Variants in EPG5 observed in about 807,000 individuals in gnomAD.
The protein encoded by EPG5 is ectopic P-granules 5 autophagy tethering factor.
Under a neutral mutation model 302.7 loss-of-function variants are expected in EPG5, and 159 were observed. That is an observed-to-expected ratio of 0.53 (90% CI 0.46 to 0.60). EPG5 has a LOEUF of 0.60. EPG5 is among the 20% of genes least tolerant of loss of function. EPG5 has a pLI of 0.00. For missense variants in EPG5, 2,896 were observed against 3,092.4 expected, an observed-to-expected ratio of 0.94 and a Z score of 1.51; for synonymous variants, 1,158 against 1,136.8, an observed-to-expected ratio of 1.02 and a Z score of -0.37.
chr18:45,876,295 GCCA>G lies in EPG5; in HGVS notation c.5987_5989del (p.Val1996del). On this transcript the variant is annotated inframe_deletion, in exon 35 of 44. Coordinates refer to ENST00000282041, the MANE Select transcript of EPG5 (RefSeq NM_020964.3). ...AGTGAACAGCTGCACAATGCTTGAG[GCCA>G]CCACAGTATCACTCTCTAGCCAGGG... 6.2e-7 allele frequency: 1 copy of G among 1,614,062 alleles called. No individual in the cohort carries two copies. The highest frequency in any genetic ancestry group is 8.5e-7 in the Non-Finnish European group (1 of 1,180,010).
the EPG5 span, among the ~76,000 whole-genome samples, chr18:45,812,670 A>C: frequency 6.6e-6 from 1 of 152,258 alleles, no homozygotes; most frequent in African/African-American, 2.4e-5. Context: ...CAATGGGGAA[A>C]GGATTCCCTA....
intron 5 of EPG5, 132 bp downstream of exon 5, chr18:45,949,352 A>G: frequency 1.8e-6 from 1 of 569,290 alleles, no homozygotes; most frequent in Non-Finnish European, 3.1e-6. Context: ...TATACTGGAT[A>G]TATTTTAAGA....
At chr18:45,892,727 T>C (rs1304567331) in intron 27 of EPG5, among the ~76,000 whole-genome samples, 7 of 152,202 alleles carry the variant, frequency 4.6e-5, no homozygotes. Flanking sequence ...TATATTTGCC[T>C]TTGTATACCC....
At chr18:45,866,358 T>C (rs1017881270) in intron 38 of EPG5, among the ~76,000 whole-genome samples, 2 of 152,146 alleles carry the variant, frequency 1.3e-5, no homozygotes, top group African/African-American at 4.8e-5. Context: ...TGACCTCAGG[T>C]GATCCGCCCA....
In EPG5 at chr18:45,959,772, G is replaced by A. The variant is rs185462859; in HGVS notation, c.64-4434C>T. Among the ~76,000 whole-genome samples the A allele has an allele frequency of 1.2e-3, 184 of 152,240 alleles. 1 individual carries two copies. The highest frequency in any genetic ancestry group is 3.4e-3 in the Middle Eastern group (1 of 294). ...AGGTGGGTGGATCACCTGAGGTGAG[G>A]AGTTCAAGACCAGCCTGACCAACAT... On this transcript the variant is annotated intron_variant, in intron 1 of 43. Transcript: ENST00000282041.
rs1599579416 is a variant in EPG5, at chr18:45,922,721, G to A, written c.2839-121C>T. ...AACGCAGAGGAATATTCTACTTGCT[G>A]GTCTCCAATTAATGTTCACTGCACT... On this transcript the variant is annotated intron_variant, in intron 15 of 43. Coordinates refer to ENST00000282041, the MANE Select transcript of EPG5 (RefSeq NM_020964.3). 3.3e-6 allele frequency: 4 copies of A among 1,213,422 alleles called. No individual in the cohort carries two copies. In the East Asian group the frequency reaches 9.5e-5, roughly 29 times the overall value. 75.2% of individuals were successfully genotyped at this position (1,213,422 alleles called of 1,614,324 possible). A position where few individuals can be genotyped will look rare whatever the true frequency, so the allele number is the denominator to read the frequency against.
intron 25 of EPG5, among the ~76,000 whole-genome samples, chr18:45,901,585 C>A (rs750571123): frequency 5.9e-5 from 9 of 151,966 alleles, no homozygotes; most frequent in Non-Finnish European, 1.3e-4. Flanking sequence ...ATAGCCGAGT[C>A]AAAAATCTGA....
chr18:45,967,111 C>T, intron 1 of EPG5, 66 bp downstream of exon 1: 4 of 1,488,002 alleles, frequency 2.7e-6, no homozygotes, highest in Non-Finnish European at 3.6e-6. Context: ...GCTGGGGAGG[C>T]CGAAGAGAGG....
rs528944700 is a variant in EPG5 at position 45,899,320 on chromosome 18, T to C, written c.4809+84A>G. 13 of 1,496,740 alleles carry C rather than the reference T, an allele frequency of 8.7e-6. No homozygotes were observed. The South Asian group carries it at 1.3e-4, about 15-fold the overall frequency. 92.7% of individuals were successfully genotyped at this position (1,496,740 alleles called of 1,614,324 possible). A position where few individuals can be genotyped will look rare whatever the true frequency, so the allele number is the denominator to read the frequency against. On this transcript the variant is annotated intron_variant, in intron 27 of 43. Coordinates refer to ENST00000282041, the MANE Select transcript of EPG5 (RefSeq NM_020964.3). Reference sequence around the variant, plus strand: ...TGGGACACAGACAGTGTGCTATATATGTCTTTCAATCTTTCTCATTGATAA... The same window carrying C: ...TGGGACACAGACAGTGTGCTATATACGTCTTTCAATCTTTCTCATTGATAA...
At chr18:45,803,891 A>C in the EPG5 span, among the ~76,000 whole-genome samples, 946 of 152,342 alleles carry the variant, frequency 6.2e-3, 7 homozygotes, top group Admixed American at 9.9e-3. Flanking sequence ...TCCAGAGTAC[A>C]ATCCAAAATT....
In EPG5 at chr18:45,899,466, G is replaced by A. The variant is rs535029628; in HGVS notation, c.4747C>T (p.His1583Tyr). 1.3e-5 allele frequency: 21 copies of A among 1,614,178 alleles called. No individual in the cohort carries two copies. In the African/African-American group the frequency reaches 2.5e-4, roughly 19 times the overall value. ...YVNREEQTTLHLECRGSSGKK... is the reference protein window; with the variant it reads ...YVNREEQTTLYLECRGSSGKK... Reference sequence around the variant, plus strand: ...CCGCTGCTGCCTCTGCACTCCAAATGTAGTGTGGTCTGTTCTTCACGATTC... The same window carrying A: ...CCGCTGCTGCCTCTGCACTCCAAATATAGTGTGGTCTGTTCTTCACGATTC... Residue 1583 changes from histidine (H) to tyrosine (Y), a missense_variant, in exon 27 of 44, where the codon CAT (histidine) becomes TAT (tyrosine). By Grantham distance (83) the His-to-Tyr change is moderately conservative. This residue lies in a region of EPG5 where 790 missense variants were observed against 798.0 expected (regional missense o/e 0.99). Coordinates refer to ENST00000282041, the MANE Select transcript of EPG5 (RefSeq NM_020964.3).
chr18:45,838,009 C>A, the EPG5 span: 3 of 1,294,630 alleles, frequency 2.3e-6, no homozygotes, highest in Non-Finnish European at 3.0e-6. Context: ...GGCAACGAGA[C>A]CCAGCCCTCT....
At chr18:45,854,942 G>A (rs968357698) in intron 43 of EPG5, among the ~76,000 whole-genome samples, 3 of 152,192 alleles carry the variant, frequency 2.0e-5, no homozygotes, top group Non-Finnish European at 4.4e-5. Flanking sequence ...TATTGGTCGA[G>A]TTAAAACTTA....
chr18:45,937,413 T>C (rs553119988), intron 10 of EPG5, among the ~76,000 whole-genome samples: 1 of 151,672 alleles, frequency 6.6e-6, no homozygotes, highest in South Asian at 2.1e-4. Flanking sequence ...CACACACATA[T>C]ATATATATTT....
chr18:45,943,371 T>C (rs2050713605), intron 8 of EPG5, 60 bp from the exon 9 acceptor site: 1 of 1,420,158 alleles, frequency 7.0e-7, no homozygotes, highest in Non-Finnish European at 9.9e-7. Flanking sequence ...CATGAACGGA[T>C]ACATCTGTAT....
chr18:45,949,610 A>G lies in EPG5; in HGVS notation c.1390-19T>C. 1 of 1,483,400 alleles carries G rather than the reference A, an allele frequency of 6.7e-7. No homozygotes were observed. The highest frequency in any genetic ancestry group is 1.2e-5 in the South Asian group (1 of 86,668). 91.9% of individuals were successfully genotyped at this position (1,483,400 alleles called of 1,614,324 possible). Reference sequence around the variant, plus strand: ...CGGATACCTGAACAATAAAGGTCATATGATCTCACTATTTTTAATAAAAGA... The same window carrying G: ...CGGATACCTGAACAATAAAGGTCATGTGATCTCACTATTTTTAATAAAAGA... On this transcript the variant is annotated intron_variant, in intron 4 of 43. Transcript: ENST00000282041.
chr18:45,906,799 C>T (rs901764168), intron 24 of EPG5, among the ~76,000 whole-genome samples: 4 of 152,084 alleles, frequency 2.6e-5, no homozygotes, highest in African/African-American at 9.7e-5. Context: ...GGATTACAGG[C>T]GCCCACCACC....
intron 27 of EPG5, among the ~76,000 whole-genome samples, chr18:45,896,995 G>A (rs1300471501): frequency 2.0e-5 from 3 of 152,228 alleles, no homozygotes; most frequent in Non-Finnish European, 4.4e-5. Context: ...TAGAAAAGGT[G>A]TTTCTTTTTA....
At position 45,849,218 on chromosome 18, in the gene EPG5, T is replaced by G. The variant is rs1788079; in HGVS notation, c.*3249A>C. On this transcript the variant is annotated 3_prime_UTR_variant, in exon 44 of 44. Transcript: ENST00000282041. ...AAGGTCTGCCTCAAGGAGGGGCAAG[T>G]GAACAGCCCCAGCCTGAACTGCTCT... 2 of 152,126 alleles carry G rather than the reference T, an allele frequency of 1.3e-5. No homozygotes were observed. Among genetic ancestry groups the G allele is most frequent in the African/African-American group, 4.8e-5 (2 of 41,438 alleles). 9.4% of individuals were successfully genotyped at this position (152,126 alleles called of 1,614,324 possible). A position where few individuals can be genotyped will look rare whatever the true frequency, so the allele number is the denominator to read the frequency against.
Sources: allele counts gnomAD v4.1 joint callset (sites outside exome capture counted in the v4.1 genomes callset), GRCh38; gene constraint gnomAD v4.1.1; regional missense constraint gnomAD v4.1.1; transcripts MANE v1.5; gene names NCBI Gene and HGNC (gene_info 2026-07-23, HGNC 2026-07-21).